The following LAMB1 variants were observed in gnomAD, a reference collection of about 807,000 sequenced individuals.
LAMB1 encodes laminin subunit beta-1.
A neutral mutation model predicts 222.3 loss-of-function variants in LAMB1; 121 were observed. The observed-to-expected ratio is 0.54, with a 90% CI of 0.47 to 0.63. The LOEUF (loss-of-function observed/expected upper bound fraction) is 0.63, where lower values mean the gene tolerates loss of function less well. Among genes scored for constraint, LAMB1 ranks in the 30% least tolerant of loss-of-function variants. LAMB1 has a pLI of 0.00. For missense variants in LAMB1, 2,172 were observed against 2,240.8 expected, an observed-to-expected ratio of 0.97 and a Z score of 0.62; for synonymous variants, 794 against 807.2, an observed-to-expected ratio of 0.98 and a Z score of 0.28.
intron 9 of LAMB1, among the ~76,000 whole-genome samples, chr7:107,977,169 C>T (rs1435770051): frequency 1.4e-5 from 2 of 142,736 alleles, no homozygotes. Flanking sequence ...CTGGTTTTTA[C>T]CTACAAAGCA....
At chr7:107,961,781 C>T (rs114250246) in intron 15 of LAMB1, 105 bp from the exon 16 acceptor site, 108 of 1,299,978 alleles carry the variant, frequency 8.3e-5, no homozygotes, top group Admixed American at 1.7e-4. Flanking sequence ...GGAAAACAAA[C>T]AGTTGCTCTT....
chr7:107,987,515 T>C (rs1250785265), intron 5 of LAMB1, among the ~76,000 whole-genome samples: 4 of 152,222 alleles, frequency 2.6e-5, no homozygotes, highest in African/African-American at 9.6e-5. Flanking sequence ...AATTGGATCT[T>C]TTTTTGAGGC....
intron 5 of LAMB1, among the ~76,000 whole-genome samples, chr7:107,987,647 C>T (rs1451738125): frequency 2.0e-5 from 3 of 152,116 alleles, no homozygotes; most frequent in Admixed American, 1.3e-4. Context: ...ATTACAAACA[C>T]GCACCACCAC....
intron 5 of LAMB1, among the ~76,000 whole-genome samples, chr7:107,987,549 G>C (rs889799905): frequency 6.6e-6 from 1 of 152,174 alleles, no homozygotes; most frequent in African/African-American, 2.4e-5. Flanking sequence ...GGCCCAGGCT[G>C]GAGTGCAGTG....
At chr7:107,934,338 C>T (rs2032788249) in intron 27 of LAMB1, among the ~76,000 whole-genome samples, 1 of 152,128 alleles carries the variant, frequency 6.6e-6, no homozygotes, top group African/African-American at 2.4e-5. Flanking sequence ...AACTCTTCTG[C>T]GCCTATGTAC....
intron 21 of LAMB1, among the ~76,000 whole-genome samples, chr7:107,954,351 G>A (rs1242058143): frequency 2.5e-5 from 2 of 79,364 alleles, no homozygotes; most frequent in African/African-American, 1.1e-4. Flanking sequence ...TTTTTTTTTT[G>A]GAGAGATGGT....
chr7:107,937,060 T>G, intron 26 of LAMB1, 33 bp downstream of exon 26: 1 of 1,555,528 alleles, frequency 6.4e-7, no homozygotes, highest in Non-Finnish European at 8.8e-7. Flanking sequence ...TTAAATCCAT[T>G]GTCTGGGACT....
At chr7:107,933,324 T>A (rs1322827210) in intron 27 of LAMB1, among the ~76,000 whole-genome samples, 1 of 152,216 alleles carries the variant, frequency 6.6e-6, no homozygotes, top group Non-Finnish European at 1.5e-5. Context: ...ACAAGTATTG[T>A]TATTAAAAAG....
chr7:107,936,053 T>A (rs1279249486), intron 26 of LAMB1, among the ~76,000 whole-genome samples: 1 of 152,208 alleles, frequency 6.6e-6, no homozygotes, highest in Non-Finnish European at 1.5e-5. Context: ...AGGTTCCACA[T>A]ATGTGGATTC....
chr7:107,978,584 C>T (rs975568442), intron 8 of LAMB1, among the ~76,000 whole-genome samples: 6 of 151,712 alleles, frequency 4.0e-5, no homozygotes, highest in Admixed American at 1.3e-4. Flanking sequence ...TATTACTGCA[C>T]GATTTACCAC....
At position 107,923,803 on chromosome 7, in the gene LAMB1, T is replaced by C; in HGVS notation, c.*148A>G. The C allele has an allele frequency of 2.9e-6, 2 of 691,476 alleles. No individual in the cohort carries two copies. Among genetic ancestry groups the C allele is most frequent in the South Asian group, 2.2e-5 (1 of 44,474 alleles). 42.8% of individuals were successfully genotyped at this position (691,476 alleles called of 1,614,324 possible). A position where few individuals can be genotyped will look rare whatever the true frequency, so the allele number is the denominator to read the frequency against. On this transcript the variant is annotated 3_prime_UTR_variant, in exon 34 of 34. Transcript: ENST00000222399. ...AAAGTAACAAGTACACCAAAATATA[T>C]ACAAAAGCACTGTACTTTATTTAAC...
intron 32 of LAMB1, among the ~76,000 whole-genome samples, 183 bp downstream of exon 32, chr7:107,926,000 A>G (rs569822085): frequency 6.6e-6 from 1 of 151,930 alleles, no homozygotes; most frequent in South Asian, 2.1e-4. Context: ...GGTCATACTT[A>G]TTAGATATTT....
At chr7:107,964,134 G>A (rs945120888) in intron 14 of LAMB1, among the ~76,000 whole-genome samples, 1 of 152,192 alleles carries the variant, frequency 6.6e-6, no homozygotes, top group East Asian at 1.9e-4. Flanking sequence ...TTCGTGTGGA[G>A]AGAAATGCCC....
chr7:107,980,475 G>A (rs1473881640), intron 8 of LAMB1, 134 bp downstream of exon 8: 2 of 679,654 alleles, frequency 2.9e-6, no homozygotes, highest in Non-Finnish European at 5.1e-6. Flanking sequence ...TACCTGTATG[G>A]TGCAAAGGGC....
chr7:107,956,681 G>A (rs570612713), intron 20 of LAMB1, among the ~76,000 whole-genome samples: 3 of 152,310 alleles, frequency 2.0e-5, no homozygotes, highest in East Asian at 1.9e-4. Context: ...GCAAGCCCAC[G>A]GTGGCCACAG....
At chr7:107,944,057 C>T (rs1228996407) in intron 24 of LAMB1, among the ~76,000 whole-genome samples, 1 of 152,212 alleles carries the variant, frequency 6.6e-6, no homozygotes, top group Non-Finnish European at 1.5e-5. Flanking sequence ...TTAGACTTGA[C>T]ACAACTGAGG....
intron 22 of LAMB1, among the ~76,000 whole-genome samples, chr7:107,952,795 A>G (rs972471728): frequency 1.2e-4 from 19 of 152,172 alleles, no homozygotes; most frequent in African/African-American, 4.6e-4. Flanking sequence ...CAAAAGAGAG[A>G]TGTTAGAGAT....
rs888554432 is a variant in LAMB1 at position 107,981,223 on chromosome 7, G to C, written c.677-412C>G. ...GCATTTTGGGAGGCCGAGGTGGGCG[G>C]ATCACCTGAGGTCAGGAGTTCAAAA... On this transcript the variant is annotated intron_variant, in intron 7 of 33. Coordinates refer to ENST00000222399, the MANE Select transcript of LAMB1 (RefSeq NM_002291.3). 3.9e-5 allele frequency among the ~76,000 whole-genome samples: 6 copies of C among 152,274 alleles called. No individual in the cohort carries two copies. In the East Asian group the frequency reaches 7.7e-4, roughly 20 times the overall value.
rs1241436256 is a variant in LAMB1, at chr7:107,940,115, A to G, written c.3635T>C (p.Val1212Ala). The change falls in exon 25 of 34, where the codon GTG (valine) becomes GCG (alanine). Residue 1212 changes from valine (V) to alanine (A), a missense_variant. Val to Ala is a moderately conservative substitution (Grantham distance 64). Coordinates refer to ENST00000222399, the MANE Select transcript of LAMB1 (RefSeq NM_002291.3). ...EKAKALKISG[V>A]IGPYRETVDS... Reference sequence around the variant, plus strand: ...CACAGTCTCACGGTAAGGCCCGATCACACCACTGATCTTCAAGGCCTTGGC... The same window carrying G: ...CACAGTCTCACGGTAAGGCCCGATCGCACCACTGATCTTCAAGGCCTTGGC... The G allele has an allele frequency of 1.2e-6, 2 of 1,613,930 alleles. No individual in the cohort carries two copies. The highest frequency in any genetic ancestry group is 2.7e-5 in the African/African-American group (2 of 74,876).
Sources: gnomAD v4.1 joint callset for allele counts (sites outside exome capture counted in the v4.1 genomes callset) on GRCh38, gnomAD v4.1.1 for gene constraint, MANE v1.5 for transcripts, NCBI Gene and HGNC (gene_info 2026-07-23, HGNC 2026-07-21) for gene names.